The following GPR55 variants were observed in gnomAD, a reference collection of about 807,000 sequenced individuals.
GPR55 encodes G protein-coupled receptor 55, also known as G-protein coupled receptor 55.
In GPR55, 6 loss-of-function variants were observed where a neutral mutation model predicts 7.9. The ratio of observed to expected loss-of-function variants is 0.76; its 90% CI spans 0.41 to 1.49. The LOEUF is 1.49. Among genes scored for constraint, GPR55 ranks in the 40% most tolerant of loss-of-function variants. The pLI is 0.01. For synonymous variants in GPR55, 183 were observed against 166.8 expected, an observed-to-expected ratio of 1.10 and a Z score of -0.75; for missense variants, 376 against 406.0, an observed-to-expected ratio of 0.93 and a Z score of 0.63.
chr2:230,957,663 T>C lies in GPR55; in HGVS notation c.-135+3112A>G, dbSNP rs188895567. 42 of 543,688 alleles carry C rather than the reference T, an allele frequency of 7.7e-5. 1 individual carries two copies. The highest frequency in any genetic ancestry group is 1.3e-4 in the Admixed American group (7 of 51,866). 33.7% of individuals were successfully genotyped at this position (543,688 alleles called of 1,614,324 possible). A position where few individuals can be genotyped will look rare whatever the true frequency, so the allele number is the denominator to read the frequency against. ...TTTAAGCTCCTAGGCATTTCAGGTG[T>C]TGAAAATATTCCCTGTGCCCGGGAT... is the stretch of plus-strand genomic sequence containing the variant. On this transcript the variant is annotated intron_variant, in intron 1 of 1. Coordinates refer to the GPR55 transcript ENST00000392039.
intron 1 of GPR55, among the ~76,000 whole-genome samples, chr2:230,959,447 T>C (rs918152158): frequency 6.6e-6 from 1 of 150,982 alleles, no homozygotes; most frequent in African/African-American, 2.4e-5. Flanking sequence ...AAACCCTGTC[T>C]CAAAAAAAAA....
At chr2:230,958,964 C>A (rs1356556780) in intron 1 of GPR55, among the ~76,000 whole-genome samples, 1 of 152,200 alleles carries the variant, frequency 6.6e-6, no homozygotes, top group Non-Finnish European at 1.5e-5. Flanking sequence ...TCATAAATCA[C>A]ATTTCAAGCA....
intron 1 of GPR55, among the ~76,000 whole-genome samples, chr2:230,957,384 G>GTC (rs1037817920): frequency 6.6e-6 from 1 of 152,228 alleles, no homozygotes. Flanking sequence ...GGCCGGTGGT[G>GTC]TCTCCAGCAT....
intron 1 of GPR55, among the ~76,000 whole-genome samples, chr2:230,942,833 G>A (rs1033646494): frequency 3.3e-5 from 5 of 152,080 alleles, no homozygotes; most frequent in South Asian, 2.1e-4. Context: ...GGGTAAGGGG[G>A]AAGAGACACG....
chr2:230,915,409 G>A (rs144041062), intron 1 of GPR55, among the ~76,000 whole-genome samples: 114 of 152,292 alleles, frequency 7.5e-4, no homozygotes, highest in African/African-American at 2.6e-3. Context: ...GGGTGCCTTC[G>A]CCTCCTAGGG....
intron 1 of GPR55, among the ~76,000 whole-genome samples, chr2:230,949,048 A>G (rs1274517297): frequency 6.6e-6 from 1 of 152,240 alleles, no homozygotes; most frequent in East Asian, 1.9e-4. Flanking sequence ...CAGCCTTGGC[A>G]ACAGACTGAG....
chr2:230,926,460 G>C (rs13401155), upstream of GPR55, among the ~76,000 whole-genome samples: 5 of 152,128 alleles, frequency 3.3e-5, no homozygotes, highest in Admixed American at 1.3e-4. Context: ...ACTGGGCAAG[G>C]GGGGGCAGCC....
intron 1 of GPR55, among the ~76,000 whole-genome samples, chr2:230,953,041 G>A (rs537839063): frequency 3.8e-4 from 58 of 152,290 alleles, no homozygotes; most frequent in African/African-American, 1.3e-3. Context: ...GTCCATCCTT[G>A]GGTGCAGTGG....
At chr2:230,948,590 G>C (rs768757222) in intron 1 of GPR55, among the ~76,000 whole-genome samples, 1 of 152,186 alleles carries the variant, frequency 6.6e-6, no homozygotes, top group Non-Finnish European at 1.5e-5. Context: ...ATGGTGAAGA[G>C]TCAGTTATAT....
chr2:230,933,354 G>A (rs145263831), intron 1 of GPR55, among the ~76,000 whole-genome samples: 154 of 152,194 alleles, frequency 1.0e-3, no homozygotes, highest in East Asian at 9.5e-3. Flanking sequence ...CCTGCCCTCC[G>A]TTGGCCCTTC....
In GPR55 at chr2:230,911,023, A is replaced by G. The variant is rs1690581880; in HGVS notation, c.-61T>C. The G allele has an allele frequency of 6.6e-7, 1 of 1,509,320 alleles. No homozygotes were observed. The highest frequency in any genetic ancestry group is 2.3e-5 in the East Asian group (1 of 43,912). 93.5% of individuals were successfully genotyped at this position (1,509,320 alleles called of 1,614,324 possible). A position where few individuals can be genotyped will look rare whatever the true frequency, so the allele number is the denominator to read the frequency against. On this transcript the variant is annotated 5_prime_UTR_variant, in exon 2 of 2. Transcript: ENST00000650999. ...TCCTTTCACTCTCTTGAAGTGATGG[A>G]TTCAAATGACTTTGTCAAGAATCAC...
intron 1 of GPR55, among the ~76,000 whole-genome samples, chr2:230,938,318 A>C (rs1426784084): frequency 6.6e-6 from 1 of 151,748 alleles, no homozygotes; most frequent in Non-Finnish European, 1.5e-5. Flanking sequence ...ATTTCCTTTA[A>C]AAGATGATGT....
chr2:230,933,556 T>C (rs1348338813), intron 1 of GPR55, among the ~76,000 whole-genome samples: 5 of 152,204 alleles, frequency 3.3e-5, no homozygotes, highest in Non-Finnish European at 7.3e-5. Flanking sequence ...CTCCTCAGGT[T>C]GGTCCACAGG....
intron 1 of GPR55, chr2:230,957,774 T>A: frequency 1.8e-6 from 1 of 553,696 alleles, no homozygotes; most frequent in Admixed American, 1.9e-5. Flanking sequence ...AATCATGTGA[T>A]GTTGGAGTAG....
At chr2:230,912,818 C>T (rs1156431665) in intron 1 of GPR55, among the ~76,000 whole-genome samples, 3 of 152,184 alleles carry the variant, frequency 2.0e-5, no homozygotes, top group African/African-American at 7.2e-5. Context: ...ATTCCAGGCG[C>T]TCAATAAGAT....
chr2:230,912,788 T>C (rs1484419594), intron 1 of GPR55, among the ~76,000 whole-genome samples: 3 of 152,238 alleles, frequency 2.0e-5, no homozygotes, highest in African/African-American at 7.2e-5. Flanking sequence ...TTTTCATAGC[T>C]TTTTATTAAT....
chr2:230,945,604 G>A (rs764326657), intron 1 of GPR55, among the ~76,000 whole-genome samples: 1 of 152,126 alleles, frequency 6.6e-6, no homozygotes, highest in Admixed American at 6.5e-5. Flanking sequence ...ACGGAGTCTC[G>A]CTCTGTCGCC....
chr2:230,914,048 G>A (rs1459795008), intron 1 of GPR55, among the ~76,000 whole-genome samples: 1 of 152,226 alleles, frequency 6.6e-6, no homozygotes, highest in Non-Finnish European at 1.5e-5. Context: ...CTTACTGTCA[G>A]CTGTTACCGG....
At position 230,951,958 on chromosome 2, in the gene GPR55, G is replaced by A. The variant is rs184510735; in HGVS notation, c.-135+8817C>T. Among the ~76,000 whole-genome samples the A allele has an allele frequency of 2.7e-3, 412 of 151,802 alleles. 3 individuals carry two copies. The highest frequency in any genetic ancestry group is 9.4e-3 in the African/African-American group (390 of 41,382). On this transcript the variant is annotated intron_variant, in intron 1 of 1. Transcript: ENST00000392039. The stretch of plus-strand genomic sequence containing the variant: ...TTTTTTAATTTTTTTGCAGAAACGG[G>A]GGTCTTGCTATGTTGCCCAGGCTGG...
Sources: allele counts gnomAD v4.1 joint callset (sites outside exome capture counted in the v4.1 genomes callset), GRCh38; gene constraint gnomAD v4.1.1; transcripts MANE v1.5; gene names NCBI Gene and HGNC (gene_info 2026-07-23, HGNC 2026-07-21).